USP13: variants seen among roughly 807,000 people sequenced by gnomAD.
USP13 encodes the protein ubiquitin specific peptidase 13.
Under a neutral mutation model 107.8 loss-of-function variants are expected in USP13, and 68 were observed. That is an observed-to-expected ratio of 0.63 (90% CI 0.52 to 0.77). The LOEUF is 0.77. USP13 is among the 30% of genes least tolerant of loss of function. USP13 has a pLI of 0.00. For missense variants in USP13, 945 were observed against 1,093.3 expected, an observed-to-expected ratio of 0.86 and a Z score of 1.91; for synonymous variants, 377 against 389.5, an observed-to-expected ratio of 0.97 and a Z score of 0.38.
At position 179,789,389 on chromosome 3, in the gene USP13, G is replaced by A. The variant is rs1715994541; in HGVS notation, c.*5248G>A. On this transcript the variant is annotated 3_prime_UTR_variant, in exon 21 of 21. Transcript: ENST00000263966. ...TTGCTTCAATTGTTTTAAATTAAAA[G>A]CTATTCTCACAATCTGAGGCCCTTT... The A allele has an allele frequency of 6.6e-6, 1 of 152,194 alleles. No homozygotes were observed. The highest frequency in any genetic ancestry group is 6.5e-5 in the Admixed American group (1 of 15,280). 9.4% of individuals were successfully genotyped at this position (152,194 alleles called of 1,614,324 possible). A position where few individuals can be genotyped will look rare whatever the true frequency, so the allele number is the denominator to read the frequency against.
intron 6 of USP13, among the ~76,000 whole-genome samples, chr3:179,712,696 T>C (rs914556437): frequency 3.3e-5 from 5 of 152,178 alleles, no homozygotes; most frequent in Admixed American, 2.6e-4. Flanking sequence ...TGCAAATCTT[T>C]GGGTGTTTGT....
intron 20 of USP13, among the ~76,000 whole-genome samples, chr3:179,782,992 G>A (rs1715798392): frequency 6.6e-6 from 1 of 152,106 alleles, no homozygotes; most frequent in Non-Finnish European, 1.5e-5. Flanking sequence ...TGATCCACCC[G>A]CCTTGGCCTC....
rs542368647 is a variant in USP13 at position 179,728,586 on chromosome 3, C to T, written c.1089-1603C>T. ...CTCACTTCCCAGACGGGGTGGCGGC[C>T]GGGCAGAGGCTGCAATCTCAGCACT... On this transcript the variant is annotated intron_variant, in intron 8 of 20. Coordinates refer to ENST00000263966, the MANE Select transcript of USP13 (RefSeq NM_003940.3). Among the ~76,000 whole-genome samples, 465 of 151,672 alleles carry T rather than the reference C, an allele frequency of 3.1e-3. 1 individual carries two copies. Among genetic ancestry groups the T allele is most frequent in the South Asian group, 0.014 (67 of 4,772 alleles).
At chr3:179,693,265 C>T (rs574432626) in intron 3 of USP13, among the ~76,000 whole-genome samples, 10 of 152,202 alleles carry the variant, frequency 6.6e-5, no homozygotes, top group Admixed American at 6.5e-4. Flanking sequence ...CCTCATGCCT[C>T]AGCCTCCCAA....
intron 10 of USP13, among the ~76,000 whole-genome samples, chr3:179,731,208 C>A (rs113816391): frequency 1.1e-4 from 16 of 152,200 alleles, no homozygotes; most frequent in African/African-American, 3.9e-4. Context: ...GTTGGGAGTT[C>A]GAGACCAGCC....
chr3:179,761,040 G>C, intron 16 of USP13, 72 bp from the exon 17 acceptor site: 2 of 1,576,992 alleles, frequency 1.3e-6, no homozygotes, highest in Non-Finnish European at 1.7e-6. Context: ...GTGGATAGGA[G>C]AGTGGAGAGT....
intron 19 of USP13, among the ~76,000 whole-genome samples, chr3:179,767,986 C>T (rs752315141): frequency 2.6e-5 from 4 of 152,118 alleles, no homozygotes; most frequent in Admixed American, 6.5e-5. Context: ...GATGAGATGT[C>T]GTTCTCCCAA....
At chr3:179,772,546 G>C (rs774180103) in intron 19 of USP13, among the ~76,000 whole-genome samples, 8 of 152,122 alleles carry the variant, frequency 5.3e-5, no homozygotes, top group Non-Finnish European at 1.2e-4. Context: ...AGGATCTAGG[G>C]GGCAAAAGGT....
chr3:179,728,575 G>A (rs1421131602), intron 8 of USP13, among the ~76,000 whole-genome samples: 4 of 151,586 alleles, frequency 2.6e-5, no homozygotes, highest in Non-Finnish European at 5.9e-5. Context: ...CTTCCCAGAC[G>A]GGGTGGCGGC....
chr3:179,684,280 C>CACACACACACAG (rs1553788871), intron 2 of USP13, among the ~76,000 whole-genome samples: 31 of 143,684 alleles, frequency 2.2e-4, no homozygotes, highest in Non-Finnish European at 3.6e-4. Flanking sequence ...TACACACACA[C>CACACACACACAG]ACACACACAC....
intron 1 of USP13, among the ~76,000 whole-genome samples, chr3:179,668,635 C>A (rs1170928101): frequency 6.6e-6 from 1 of 151,874 alleles, no homozygotes; most frequent in Non-Finnish European, 1.5e-5. Flanking sequence ...TGGCTCACTG[C>A]AACCTTGACC....
At chr3:179,778,530 G>A (rs1180945332) in intron 19 of USP13, among the ~76,000 whole-genome samples, 1 of 152,190 alleles carries the variant, frequency 6.6e-6, no homozygotes, top group Non-Finnish European at 1.5e-5. Context: ...TTGGGAGGCC[G>A]AAGTGGGTGG....
intron 10 of USP13, among the ~76,000 whole-genome samples, chr3:179,736,614 G>A (rs992926231): frequency 3.2e-4 from 48 of 152,230 alleles, no homozygotes; most frequent in African/African-American, 1.1e-3. Context: ...CAACTCTCAA[G>A]CAATAACTTG....
At chr3:179,708,718 T>G (rs750056463) in intron 5 of USP13, 55 bp from the exon 6 acceptor site, 20 of 1,596,832 alleles carry the variant, frequency 1.3e-5, no homozygotes, top group Non-Finnish European at 1.7e-5. Context: ...TTCTTAGATG[T>G]TAAGTTTTAA....
At chr3:179,772,907 T>A (rs9864033) in intron 19 of USP13, among the ~76,000 whole-genome samples, 1,766 of 152,282 alleles carry the variant, frequency 0.012, 37 homozygotes, top group African/African-American at 0.04. Context: ...TTTACCTAGG[T>A]CTGTCTTCTC....
chr3:179,656,668 T>C (rs922129350), intron 1 of USP13, among the ~76,000 whole-genome samples: 32 of 152,206 alleles, frequency 2.1e-4, no homozygotes, highest in African/African-American at 7.7e-4. Flanking sequence ...ACCTTCCCAG[T>C]GGAGCTTCTT....
chr3:179,708,350 A>G (rs994953467), intron 5 of USP13, among the ~76,000 whole-genome samples: 2 of 151,028 alleles, frequency 1.3e-5, no homozygotes, highest in Non-Finnish European at 2.9e-5. Flanking sequence ...TCTGTCACCC[A>G]GGCTGGAGTG....
Position 179,721,396 on chromosome 3 carries a change from T to A in USP13, c.901-6T>A. On this transcript the variant is annotated splice_polypyrimidine_tract_variant and splice_region_variant and intron_variant, in intron 7 of 20. Coordinates refer to ENST00000263966, the MANE Select transcript of USP13 (RefSeq NM_003940.3). This position sits in a 1 kb window ranked among gnomAD's most constrained non-coding sequence, Gnocchi z 4.3. ...AAGTTGTTTTTCTTCGATGACTTTG[T>A]CTCAGACAGAGAATGGGCTCCAGGA... The A allele has an allele frequency of 1.2e-6, 2 of 1,612,216 alleles. No homozygotes were observed. Among genetic ancestry groups the A allele is most frequent in the Admixed American group, 3.3e-5 (2 of 59,752 alleles).
intron 8 of USP13, among the ~76,000 whole-genome samples, chr3:179,727,920 G>A (rs1196733100): frequency 3.0e-5 from 2 of 66,094 alleles, no homozygotes; most frequent in Non-Finnish European, 8.0e-5. Flanking sequence ...TGGCCAGGTG[G>A]GGGGCTGACC....
Sources: allele counts gnomAD v4.1 joint callset (sites outside exome capture counted in the v4.1 genomes callset), GRCh38; gene constraint gnomAD v4.1.1; non-coding constraint Gnocchi (gnomAD v3.1); transcripts MANE v1.5; gene names NCBI Gene and HGNC (gene_info 2026-07-23, HGNC 2026-07-21).